RBFOX3: variants seen among roughly 807,000 people sequenced by gnomAD.
RBFOX3 encodes RNA binding protein fox-1 homolog 3.
Under a neutral mutation model 48.7 loss-of-function variants are expected in RBFOX3, and 17 were observed. The ratio of observed to expected loss-of-function variants is 0.35; its 90% CI spans 0.24 to 0.52. The LOEUF is 0.52. Among genes scored for constraint, RBFOX3 ranks in the 20% least tolerant of loss-of-function variants. The pLI, the probability that RBFOX3 is intolerant of heterozygous loss-of-function variation, is 0.94. For synonymous variants in RBFOX3, 212 were observed against 209.5 expected (o/e 1.01, Z -0.10); for missense variants, 382 against 497.5 (o/e 0.77, Z 2.21).
the RBFOX3 span, among the ~76,000 whole-genome samples, chr17:79,664,261 A>G: frequency 6.8e-6 from 1 of 147,826 alleles, no homozygotes; most frequent in Non-Finnish European, 1.5e-5. Flanking sequence ...TGCAACCTCC[A>G]CTTTCCAGAT....
chr17:79,130,728 C>G (rs1459985621), intron 4 of RBFOX3, among the ~76,000 whole-genome samples: 2 of 152,228 alleles, frequency 1.3e-5, no homozygotes, highest in Non-Finnish European at 2.9e-5. Context: ...GAGCCCGATA[C>G]CGAGCAGTCT....
intron 1 of RBFOX3, among the ~76,000 whole-genome samples, chr17:79,486,556 C>T (rs34415616): frequency 0.16 from 24,912 of 152,134 alleles, 2,361 homozygotes; most frequent in East Asian, 0.43. Context: ...CACATATGCA[C>T]ACGAGCACAG....
the RBFOX3 span, among the ~76,000 whole-genome samples, chr17:79,653,810 A>G: frequency 6.8e-6 from 1 of 147,642 alleles, no homozygotes; most frequent in Non-Finnish European, 1.5e-5. Flanking sequence ...TGGGAGGCTG[A>G]GGTGGAAGTC....
At chr17:79,610,405 C>T (rs1196592059) in intron 1 of RBFOX3, among the ~76,000 whole-genome samples, 1 of 151,930 alleles carries the variant, frequency 6.6e-6, no homozygotes, top group African/African-American at 2.4e-5. Context: ...TGCCTCCCCC[C>T]GCCGGGGAGT....
At chr17:79,218,358 T>C (rs2059317587) in intron 4 of RBFOX3, among the ~76,000 whole-genome samples, 1 of 151,908 alleles carries the variant, frequency 6.6e-6, no homozygotes, top group Admixed American at 6.5e-5. Flanking sequence ...CAGCTGCAAA[T>C]CCCAGCTTGG....
At chr17:79,172,650 C>T (rs187553614) in intron 4 of RBFOX3, among the ~76,000 whole-genome samples, 6 of 152,320 alleles carry the variant, frequency 3.9e-5, no homozygotes, top group Non-Finnish European at 7.4e-5. Context: ...CTGTGTCCAA[C>T]AGAAAAGAAT....
chr17:79,537,394 C>T (rs1331573050), intron 1 of RBFOX3, among the ~76,000 whole-genome samples: 1 of 152,206 alleles, frequency 6.6e-6, no homozygotes, highest in Non-Finnish European at 1.5e-5. Context: ...CCACCCTCAT[C>T]TTAACTTGAT....
rs1039112813 is a variant in RBFOX3, at chr17:79,392,308, G to C, written c.-174-84484C>G. Among the ~76,000 whole-genome samples, 3 of 152,208 alleles carry C rather than the reference G, an allele frequency of 2.0e-5. No individual in the cohort carries two copies. Among genetic ancestry groups the C allele is most frequent in the African/African-American group, 7.2e-5 (3 of 41,452 alleles). ...ACGGACCTTGCAGCCAGTTGGCCCT[G>C]AATTCCAGCCCTGCCACTTACTAGC... On this transcript the variant is annotated intron_variant, in intron 2 of 14. Coordinates refer to ENST00000693108, the MANE Select transcript of RBFOX3 (RefSeq NM_001350451.2). The surrounding 1 kb of genome is among the most constrained non-coding windows in gnomAD (Gnocchi z 5.0).
intron 2 of RBFOX3, among the ~76,000 whole-genome samples, chr17:79,356,676 A>G (rs74709195): frequency 6.8e-6 from 1 of 147,302 alleles, no homozygotes; most frequent in African/African-American, 2.5e-5. Flanking sequence ...GCCAGTTTTG[A>G]TTTTTTTTTT....
chr17:79,216,510 G>A (rs909773163), intron 4 of RBFOX3, among the ~76,000 whole-genome samples: 2 of 152,176 alleles, frequency 1.3e-5, no homozygotes, highest in African/African-American at 4.8e-5. Flanking sequence ...CAGGGGGCAG[G>A]AGTGAGAGGA....
At chr17:79,598,467 T>C (rs1323219424) in intron 1 of RBFOX3, 1 of 152,246 alleles carries the variant, frequency 6.6e-6, no homozygotes, top group African/African-American at 2.4e-5. Context: ...GTATTCTCTG[T>C]TCTCCTGGCT....
intron 3 of RBFOX3, among the ~76,000 whole-genome samples, chr17:79,247,135 G>T (rs1600208830): frequency 6.6e-6 from 1 of 152,134 alleles, no homozygotes; most frequent in Admixed American, 6.5e-5. Context: ...GTAGCTAATA[G>T]GCCAAGTGTG....
Position 79,589,078 on chromosome 17 carries a change from C to A in RBFOX3, c.-320+21748G>T, listed in dbSNP as rs889994386. Among the ~76,000 whole-genome samples the A allele has an allele frequency of 2.9e-3, 438 of 152,328 alleles. 3 individuals carry two copies. Among genetic ancestry groups the A allele is most frequent in the African/African-American group, 8.9e-3 (371 of 41,576 alleles). ...AGTGAGACCCCGTCCTGAGCTTGGACAGTTCTTTCAGGGCATAGCAGTGCT... is the reference window on the plus strand; with the variant it reads ...AGTGAGACCCCGTCCTGAGCTTGGAAAGTTCTTTCAGGGCATAGCAGTGCT... On this transcript the variant is annotated intron_variant, in intron 1 of 14. Coordinates refer to ENST00000693108, the MANE Select transcript of RBFOX3 (RefSeq NM_001350451.2).
intron 2 of RBFOX3, among the ~76,000 whole-genome samples, chr17:79,394,644 G>A (rs1045536372): frequency 1.3e-5 from 2 of 152,156 alleles, no homozygotes; most frequent in South Asian, 2.1e-4. Flanking sequence ...GTAAACAAAT[G>A]GCCCCCACTC....
intron 4 of RBFOX3, among the ~76,000 whole-genome samples, chr17:79,172,937 G>C (rs1307941685): frequency 6.6e-6 from 1 of 152,218 alleles, no homozygotes; most frequent in Non-Finnish European, 1.5e-5. Context: ...AGACGGGTGA[G>C]GTGGCTCATG....
rs1025662641 is a variant in RBFOX3, at chr17:79,423,398, G to A, written c.-175+59056C>T. 1.3e-5 allele frequency among the ~76,000 whole-genome samples: 2 copies of A among 152,050 alleles called. No individual in the cohort carries two copies. The highest frequency in any genetic ancestry group is 4.8e-5 in the African/African-American group (2 of 41,378). ...CCAACCCTACCTCCAGTGTGGTCCG[G>A]CGCCACCACCTCTGCCGGACGTTTG... On this transcript the variant is annotated intron_variant, in intron 2 of 14. Transcript: ENST00000693108. The surrounding 1 kb of genome is among the most constrained non-coding windows in gnomAD (Gnocchi z 4.9).
At chr17:79,563,568 T>A (rs1449893526) in intron 1 of RBFOX3, among the ~76,000 whole-genome samples, 1 of 152,258 alleles carries the variant, frequency 6.6e-6, no homozygotes, top group African/African-American at 2.4e-5. Context: ...AAGTCTTTGC[T>A]AACAATCTGG....
intron 4 of RBFOX3, among the ~76,000 whole-genome samples, chr17:79,179,806 G>A (rs1327668991): frequency 1.3e-5 from 2 of 152,152 alleles, no homozygotes; most frequent in African/African-American, 2.4e-5. Flanking sequence ...TGCCCTGAAA[G>A]GTGACCAGTA....
chr17:79,582,403 C>G (rs2093101223), intron 1 of RBFOX3, among the ~76,000 whole-genome samples: 2 of 152,246 alleles, frequency 1.3e-5, no homozygotes, highest in Admixed American at 6.5e-5. Flanking sequence ...CGCTTCCACT[C>G]TGTGTGTGCT....
Sources: gnomAD v4.1 joint callset for allele counts (sites outside exome capture counted in the v4.1 genomes callset) on GRCh38, gnomAD v4.1.1 for gene constraint, Gnocchi (gnomAD v3.1) non-coding constraint, MANE v1.5 for transcripts, NCBI Gene and HGNC (gene_info 2026-07-23, HGNC 2026-07-21) for gene names.